CDH12: variants seen among roughly 807,000 people sequenced by gnomAD.
CDH12 encodes the protein cadherin 12.
A neutral mutation model predicts 74.1 loss-of-function variants in CDH12; 41 were observed. The ratio of observed to expected loss-of-function variants is 0.55; its 90% CI spans 0.43 to 0.72. CDH12 has a LOEUF of 0.72. CDH12 is among the 30% of genes least tolerant of loss of function. CDH12 has a pLI of 0.00. For synonymous variants in CDH12, 399 were observed against 355.0 expected, an observed-to-expected ratio of 1.12 and a Z score of -1.39; for missense variants, 945 against 977.2, an observed-to-expected ratio of 0.97 and a Z score of 0.44.
At chr5:22,260,713 A>T (rs1158409333) in intron 3 of CDH12, among the ~76,000 whole-genome samples, 3 of 152,056 alleles carry the variant, frequency 2.0e-5, no homozygotes, top group African/African-American at 7.2e-5. Context: ...GAACAATTCT[A>T]ACATCATAAA....
intron 1 of CDH12, among the ~76,000 whole-genome samples, chr5:22,632,768 T>A (rs919061756): frequency 6.6e-6 from 1 of 151,994 alleles, no homozygotes; most frequent in African/African-American, 2.4e-5. Context: ...ACATTATGGC[T>A]GAAAACATCC....
chr5:22,318,448 C>A (rs1349876800), intron 3 of CDH12, among the ~76,000 whole-genome samples: 1 of 152,198 alleles, frequency 6.6e-6, no homozygotes, highest in Non-Finnish European at 1.5e-5. Flanking sequence ...TCATTTCCCT[C>A]ATGTGAAATG....
intron 1 of CDH12, among the ~76,000 whole-genome samples, chr5:22,533,991 G>C (rs965834232): frequency 6.6e-6 from 1 of 152,106 alleles, no homozygotes; most frequent in Non-Finnish European, 1.5e-5. Context: ...GAACCGACTT[G>C]TCTGGTTCCT....
At chr5:22,277,446 C>T (rs967761376) in intron 3 of CDH12, among the ~76,000 whole-genome samples, 2 of 152,118 alleles carry the variant, frequency 1.3e-5, no homozygotes, top group African/African-American at 2.4e-5. Flanking sequence ...GTGGCTAGGA[C>T]AGGTCACTCT....
At chr5:22,523,238 T>A (rs922315070) in intron 1 of CDH12, among the ~76,000 whole-genome samples, 14 of 152,224 alleles carry the variant, frequency 9.2e-5, no homozygotes, top group Non-Finnish European at 1.9e-4. Context: ...ATATTTGTAC[T>A]TTTTTATACT....
intron 1 of CDH12, among the ~76,000 whole-genome samples, chr5:22,835,211 G>A (rs1343534705): frequency 2.0e-5 from 3 of 151,656 alleles, no homozygotes; most frequent in Non-Finnish European, 2.9e-5. Context: ...TCTACACTCT[G>A]TTCACATATA....
intron 3 of CDH12, among the ~76,000 whole-genome samples, chr5:22,313,025 A>C (rs1041325376): frequency 2.6e-5 from 4 of 152,180 alleles, no homozygotes. Flanking sequence ...TGTGAAGTGC[A>C]CGTTATCAGC....
intron 1 of CDH12, among the ~76,000 whole-genome samples, chr5:22,556,250 G>T (rs2126741415): frequency 6.6e-6 from 1 of 152,126 alleles, no homozygotes; most frequent in East Asian, 1.9e-4. Flanking sequence ...AGGGTTGGAA[G>T]GGGACAGACT....
At chr5:21,808,514 G>A (rs909703861) in intron 9 of CDH12, among the ~76,000 whole-genome samples, 1 of 151,780 alleles carries the variant, frequency 6.6e-6, no homozygotes, top group Non-Finnish European at 1.5e-5. Flanking sequence ...ATGATCCGAG[G>A]ATGTAGGCTT....
At chr5:22,409,440 T>C (rs1743087556) in intron 2 of CDH12, among the ~76,000 whole-genome samples, 1 of 152,018 alleles carries the variant, frequency 6.6e-6, no homozygotes, top group South Asian at 2.1e-4. Context: ...TTTCTCCAAT[T>C]CAAAACCAAT....
At chr5:21,966,157 CGTT>C (rs1243521090) in intron 6 of CDH12, among the ~76,000 whole-genome samples, 6 of 128,288 alleles carry the variant, frequency 4.7e-5, no homozygotes, top group African/African-American at 1.3e-4. Flanking sequence ...TCTATTTTTA[CGTT>C]TTTTTTTTTT....
chr5:22,816,225 T>G (rs1235203272), intron 1 of CDH12, among the ~76,000 whole-genome samples: 1 of 152,214 alleles, frequency 6.6e-6, no homozygotes, highest in Non-Finnish European at 1.5e-5. Context: ...TGATTTTTAC[T>G]TCTTTGTGAA....
intron 4 of CDH12, among the ~76,000 whole-genome samples, chr5:22,145,282 A>G (rs889248063): frequency 3.9e-5 from 6 of 152,138 alleles, no homozygotes; most frequent in African/African-American, 1.4e-4. Flanking sequence ...ATCAATATTT[A>G]TCAAAGTCCG....
At chr5:22,670,613 A>T (rs919596456) in intron 1 of CDH12, among the ~76,000 whole-genome samples, 2 of 152,110 alleles carry the variant, frequency 1.3e-5, no homozygotes, top group African/African-American at 2.4e-5. Context: ...TATTTTCAGA[A>T]ATTACATGCT....
intron 5 of CDH12, among the ~76,000 whole-genome samples, chr5:21,995,695 G>A (rs1736246953): frequency 6.6e-6 from 1 of 151,388 alleles, no homozygotes; most frequent in Non-Finnish European, 1.5e-5. Flanking sequence ...TCTTCTGCTT[G>A]AAACTTTGTG....
intron 1 of CDH12, among the ~76,000 whole-genome samples, chr5:22,536,932 A>G (rs966367907): frequency 6.6e-6 from 1 of 152,190 alleles, no homozygotes; most frequent in African/African-American, 2.4e-5. Context: ...CAGAAATAAC[A>G]CTGCATTTTA....
chr5:22,055,620 C>G (rs900640386), intron 5 of CDH12, among the ~76,000 whole-genome samples: 4 of 151,962 alleles, frequency 2.6e-5, no homozygotes, highest in Non-Finnish European at 5.9e-5. Context: ...GCTCAGTTAT[C>G]TAATTATTAA....
intron 1 of CDH12, among the ~76,000 whole-genome samples, chr5:22,565,088 AC>A (rs1216279378): frequency 5.3e-5 from 8 of 152,084 alleles, no homozygotes; most frequent in African/African-American, 1.4e-4. Flanking sequence ...GGTGAGTGCC[AC>A]CATGCCCAGC....
intron 3 of CDH12, among the ~76,000 whole-genome samples, chr5:22,311,108 C>A (rs1738370321): frequency 6.6e-6 from 1 of 152,084 alleles, no homozygotes; most frequent in Non-Finnish European, 1.5e-5. Flanking sequence ...GAAATTCTTT[C>A]TGTTACAAAT....
Sources: allele counts gnomAD v4.1 joint callset (sites outside exome capture counted in the v4.1 genomes callset), GRCh38; gene constraint gnomAD v4.1.1; transcripts MANE v1.5; gene names NCBI Gene and HGNC (gene_info 2026-07-23, HGNC 2026-07-21).